UBE2E2: variants seen among roughly 807,000 people sequenced by gnomAD.
The protein encoded by UBE2E2 is ubiquitin conjugating enzyme E2 E2.
UBE2E2 carries 6 observed loss-of-function variants against 24.7 expected under a neutral mutation model. The ratio of observed to expected loss-of-function variants is 0.24; its 90% CI spans 0.13 to 0.48. UBE2E2 has a LOEUF of 0.48. Among genes scored for constraint, UBE2E2 ranks in the 20% least tolerant of loss-of-function variants. UBE2E2 has a pLI of 0.99. For synonymous variants in UBE2E2, 104 were observed against 83.6 expected, an observed-to-expected ratio of 1.24 and a Z score of -1.33; for missense variants, 169 against 245.0, an observed-to-expected ratio of 0.69 and a Z score of 2.07.
At chr3:23,330,524 A>G (rs1575564946) in intron 3 of UBE2E2, among the ~76,000 whole-genome samples, 1 of 152,346 alleles carries the variant, frequency 6.6e-6, no homozygotes, top group Middle Eastern at 3.4e-3. Context: ...TTATATATTG[A>G]ATAGTACACG....
At chr3:23,542,638 G>A (rs1292940576) in intron 5 of UBE2E2, among the ~76,000 whole-genome samples, 1 of 152,002 alleles carries the variant, frequency 6.6e-6, no homozygotes, top group Non-Finnish European at 1.5e-5. Context: ...TTGGCTTTTT[G>A]TTATTTTCAA....
chr3:23,538,456 A>ATTT (rs1229299952), intron 5 of UBE2E2, among the ~76,000 whole-genome samples: 1 of 152,196 alleles, frequency 6.6e-6, no homozygotes, highest in African/African-American at 2.4e-5. Flanking sequence ...TAAATATTAA[A>ATTT]TAAGTGCTAT....
intron 3 of UBE2E2, among the ~76,000 whole-genome samples, chr3:23,339,582 A>T (rs1378571771): frequency 3.3e-5 from 5 of 152,164 alleles, no homozygotes; most frequent in Non-Finnish European, 4.4e-5. Context: ...TAGAGACCCT[A>T]GTTAAATGTT....
At chr3:23,571,390 A>G (rs962820682) in intron 5 of UBE2E2, among the ~76,000 whole-genome samples, 2 of 147,260 alleles carry the variant, frequency 1.4e-5, no homozygotes, top group African/African-American at 5.0e-5. Flanking sequence ...CCCAGGCTCA[A>G]GTGATTCTCC....
chr3:23,214,664 A>C (rs1696425144), intron 2 of UBE2E2, among the ~76,000 whole-genome samples: 1 of 152,104 alleles, frequency 6.6e-6, no homozygotes, highest in South Asian at 2.1e-4. Flanking sequence ...TTATGTTAAA[A>C]ATAGTTTTCT....
intron 3 of UBE2E2, among the ~76,000 whole-genome samples, chr3:23,485,006 T>C (rs1284171153): frequency 6.6e-6 from 1 of 151,822 alleles, no homozygotes; most frequent in East Asian, 1.9e-4. Context: ...CTCAACACCA[T>C]ATAGCTAGTA....
intron 3 of UBE2E2, among the ~76,000 whole-genome samples, chr3:23,311,761 ATAG>A (rs1694399857): frequency 6.6e-6 from 1 of 152,130 alleles, no homozygotes; most frequent in South Asian, 2.1e-4. Context: ...TCGTGGGTAC[ATAG>A]TAGGTATATA....
chr3:23,329,057 CTTA>C (rs1694990963), intron 3 of UBE2E2, among the ~76,000 whole-genome samples: 1 of 152,120 alleles, frequency 6.6e-6, no homozygotes, highest in Admixed American at 6.5e-5. Flanking sequence ...CTCCCTGGAT[CTTA>C]TTTGCTAAAG....
At chr3:23,370,044 A>G (rs1444606096) in intron 3 of UBE2E2, among the ~76,000 whole-genome samples, 1 of 152,172 alleles carries the variant, frequency 6.6e-6, no homozygotes, top group African/African-American at 2.4e-5. Context: ...GGCTGTAAAC[A>G]TTTCTCAAAA....
intron 3 of UBE2E2, among the ~76,000 whole-genome samples, chr3:23,470,174 T>G (rs1429523611): frequency 6.6e-6 from 1 of 152,186 alleles, no homozygotes; most frequent in Non-Finnish European, 1.5e-5. Context: ...TTGGGTCTTG[T>G]AGAGTTTCAA....
chr3:23,301,759 G>C (rs1699100419), intron 3 of UBE2E2, among the ~76,000 whole-genome samples: 1 of 152,156 alleles, frequency 6.6e-6, no homozygotes, highest in Admixed American at 6.5e-5. Flanking sequence ...CAGTCTGCCT[G>C]TTCTCAGATC....
intron 3 of UBE2E2, among the ~76,000 whole-genome samples, chr3:23,491,696 C>T (rs1699499565): frequency 6.6e-6 from 1 of 152,120 alleles, no homozygotes; most frequent in Admixed American, 6.5e-5. Context: ...TTGTATGCTG[C>T]AAAGGACTTT....
At chr3:23,400,034 A>C (rs113776125) in intron 3 of UBE2E2, among the ~76,000 whole-genome samples, 2 of 152,154 alleles carry the variant, frequency 1.3e-5, no homozygotes, top group African/African-American at 4.8e-5. Context: ...AACTATCTCT[A>C]TGTGAACTAT....
intron 3 of UBE2E2, among the ~76,000 whole-genome samples, chr3:23,496,549 ATTC>A (rs988936423): frequency 4.5e-4 from 68 of 152,060 alleles, no homozygotes; most frequent in African/African-American, 1.6e-3. Flanking sequence ...TACTGTATAG[ATTC>A]TTTTTAGTCT....
At chr3:23,244,915 AT>A (rs1325812649) in intron 3 of UBE2E2, among the ~76,000 whole-genome samples, 1 of 152,178 alleles carries the variant, frequency 6.6e-6, no homozygotes. Flanking sequence ...AATTGCAATG[AT>A]TTATTTAATT....
intron 3 of UBE2E2, among the ~76,000 whole-genome samples, chr3:23,297,222 T>A (rs1377243581): frequency 1.3e-5 from 2 of 152,124 alleles, no homozygotes; most frequent in Non-Finnish European, 2.9e-5. Flanking sequence ...CTTTGTCAGA[T>A]GAGTAGGTTG....
chr3:23,289,690 A>G (rs1236951923), intron 3 of UBE2E2, among the ~76,000 whole-genome samples: 1 of 152,210 alleles, frequency 6.6e-6, no homozygotes, highest in Non-Finnish European at 1.5e-5. Context: ...AGGTATACAC[A>G]TTAGCTGAGT....
At chr3:23,360,986 GA>G (rs546095358) in intron 3 of UBE2E2, among the ~76,000 whole-genome samples, 3 of 147,496 alleles carry the variant, frequency 2.0e-5, no homozygotes, top group Admixed American at 6.8e-5. Flanking sequence ...AAATCAGCAA[GA>G]AAAAAAAATC....
At chr3:23,531,596 C>T (rs1414772402) in intron 4 of UBE2E2, among the ~76,000 whole-genome samples, 2 of 151,986 alleles carry the variant, frequency 1.3e-5, no homozygotes, top group Non-Finnish European at 2.9e-5. Flanking sequence ...AGGTAGGATG[C>T]ACTAATATTA....
Sources: gnomAD v4.1 joint callset for allele counts (sites outside exome capture counted in the v4.1 genomes callset) on GRCh38, gnomAD v4.1.1 for gene constraint, MANE v1.5 for transcripts, NCBI Gene and HGNC (gene_info 2026-07-23, HGNC 2026-07-21) for gene names.